SLCO1B3: variants seen among roughly 807,000 people sequenced by gnomAD.
SLCO1B3 encodes liver-specific organic anion transporter 2.
In SLCO1B3, 72 loss-of-function variants were observed where a neutral mutation model predicts 71.8. That is an observed-to-expected ratio of 1.00 (90% CI 0.83 to 1.22). SLCO1B3 has a LOEUF of 1.22. Among genes scored for constraint, SLCO1B3 ranks in the 50% most tolerant of loss-of-function variants. The pLI is 0.00. For synonymous variants in SLCO1B3, 298 were observed against 278.4 expected, an observed-to-expected ratio of 1.07 and a Z score of -0.70; for missense variants, 911 against 819.7, an observed-to-expected ratio of 1.11 and a Z score of -1.36.
intron 13 of SLCO1B3, among the ~76,000 whole-genome samples, chr12:20,897,408 C>T (rs374778652): frequency 6.6e-6 from 1 of 152,160 alleles, no homozygotes; most frequent in South Asian, 2.1e-4. Context: ...AGAGTGCTAG[C>T]TCATTGTGTT....
chr12:20,838,236 T>G (rs1217399824), intron 3 of SLCO1B3, among the ~76,000 whole-genome samples: 2 of 152,066 alleles, frequency 1.3e-5, no homozygotes, highest in East Asian at 3.8e-4. Context: ...TTCCTTGCTT[T>G]GAAGTTTGCT....
At chr12:20,848,612 G>C (rs10770751) in intron 3 of SLCO1B3, among the ~76,000 whole-genome samples, 110,099 of 152,036 alleles carry the variant, frequency 0.72, 42,450 homozygotes, top group South Asian at 0.9. Context: ...AATAGGTAAA[G>C]AAACTGTGAT....
At chr12:20,913,793 C>T (rs944603615) in intron 15 of SLCO1B3, among the ~76,000 whole-genome samples, 1 of 152,110 alleles carries the variant, frequency 6.6e-6, no homozygotes, top group African/African-American at 2.4e-5. Flanking sequence ...ACTCTGCTAC[C>T]CAGGCTGTAG....
At chr12:20,853,495 A>C (rs78800991) in intron 3 of SLCO1B3, among the ~76,000 whole-genome samples, 1 of 151,964 alleles carries the variant, frequency 6.6e-6, no homozygotes, top group Non-Finnish European at 1.5e-5. Context: ...CATTTATTCT[A>C]TGTTTTCCAG....
At chr12:20,812,958 A>T (rs1280118374) in intron 1 of SLCO1B3, among the ~76,000 whole-genome samples, 1 of 152,234 alleles carries the variant, frequency 6.6e-6, no homozygotes, top group East Asian at 1.9e-4. Flanking sequence ...ATTCGTGGAA[A>T]AAGTGGTGTA....
At chr12:20,843,894 T>TGTTTTA (rs57863606) in intron 3 of SLCO1B3, among the ~76,000 whole-genome samples, 109,487 of 151,402 alleles carry the variant, frequency 0.72, 42,154 homozygotes, top group South Asian at 0.9. Flanking sequence ...GATATTCTTA[T>TGTTTTA]CTAAACTTTC....
rs77334395 is a variant in SLCO1B3 at position 20,881,134 on chromosome 12, A to G, written c.1497+114A>G. ...AGGTCTCCAATAAAAAGATAAAACA[A>G]AAAGATTCCAGTATTATCTGTCCTC... is the stretch of plus-strand genomic sequence containing the variant. On this transcript the variant is annotated intron_variant, in intron 12 of 15. Coordinates refer to ENST00000381545, the MANE Select transcript of SLCO1B3 (RefSeq NM_019844.4). 92 of 741,380 alleles carry G rather than the reference A, an allele frequency of 1.2e-4. No individual in the cohort carries two copies. In the East Asian group the frequency reaches 1.8e-3, roughly 14 times the overall value. 45.9% of individuals were successfully genotyped at this position (741,380 alleles called of 1,614,324 possible).
chr12:20,845,302 T>A lies in SLCO1B3; in HGVS notation c.85-9726T>A. 2 of 230,358 alleles carry A rather than the reference T, an allele frequency of 8.7e-6. 1 individual carries two copies. Among genetic ancestry groups the A allele is most frequent in the Non-Finnish European group, 1.7e-5 (2 of 115,756 alleles). 14.3% of individuals were successfully genotyped at this position (230,358 alleles called of 1,614,324 possible). ...CCCAGTTAGTGAAAAGGTTTGACCC[T>A]GATCAACAATGAGTAGAAACATCAT... On this transcript the variant is annotated intron_variant, in intron 3 of 15. Transcript: ENST00000381545.
At chr12:20,872,196 G>T (rs1184499236) in intron 8 of SLCO1B3, among the ~76,000 whole-genome samples, 4 of 151,984 alleles carry the variant, frequency 2.6e-5, no homozygotes, top group Admixed American at 6.6e-5. Context: ...ATTCTGCCAG[G>T]CCACCACCCA....
intron 8 of SLCO1B3, among the ~76,000 whole-genome samples, chr12:20,865,642 C>T (rs975574637): frequency 2.6e-5 from 4 of 151,912 alleles, no homozygotes; most frequent in Admixed American, 6.6e-5. Flanking sequence ...TTTGTGACGA[C>T]ATGAAAAACC....
intron 13 of SLCO1B3, 32 bp downstream of exon 13, chr12:20,883,634 A>G (rs769862860): frequency 1.1e-5 from 15 of 1,416,918 alleles, no homozygotes; most frequent in Middle Eastern, 1.8e-4. Flanking sequence ...ATTGTCATGT[A>G]TATTAGACTA....
intron 1 of SLCO1B3, among the ~76,000 whole-genome samples, chr12:20,811,138 G>C (rs1488556891): frequency 1.3e-5 from 2 of 152,102 alleles, no homozygotes; most frequent in Non-Finnish European, 2.9e-5. Flanking sequence ...TACTATACCA[G>C]GCTCCCTATT....
chr12:20,879,205 CTTTTTTTTTT>C (rs4149166), intron 10 of SLCO1B3, among the ~76,000 whole-genome samples: 1 of 95,208 alleles, frequency 1.1e-5, no homozygotes, highest in Non-Finnish European at 2.0e-5. Context: ...ACCCTTCTCT[CTTTTTTTTTT>C]TTTTTTTTTT....
At chr12:20,888,353 T>G (rs1865831331) in intron 13 of SLCO1B3, among the ~76,000 whole-genome samples, 1 of 152,056 alleles carries the variant, frequency 6.6e-6, no homozygotes, top group South Asian at 2.1e-4. Context: ...TCTATTTTTT[T>G]TGTGACATAT....
At chr12:20,861,621 A>C (rs765635983) in intron 6 of SLCO1B3, among the ~76,000 whole-genome samples, 3 of 151,878 alleles carry the variant, frequency 2.0e-5, no homozygotes, top group Non-Finnish European at 4.4e-5. Context: ...ATATGTGAAT[A>C]ATATAACTTT....
Position 20,815,878 on chromosome 12 carries a change from A to G in SLCO1B3, c.84+56A>G, listed in dbSNP as rs897141126. The stretch of plus-strand genomic sequence containing the variant: ...ATAAGTTAATGGAAAATTTTTATGT[A>G]TAGAAAGGCCACTAACTGTCAAAAA... On this transcript the variant is annotated intron_variant, in intron 3 of 15. Coordinates refer to ENST00000381545, the MANE Select transcript of SLCO1B3 (RefSeq NM_019844.4). 4 of 1,105,962 alleles carry G rather than the reference A, an allele frequency of 3.6e-6. No individual in the cohort carries two copies. The African/African-American group carries it at 4.7e-5, about 13-fold the overall frequency. The allele number at this position is 1,105,962 out of a possible 1,614,324, so 68.5% of individuals were successfully genotyped here.
At chr12:20,896,407 G>C (rs1293142542) in intron 13 of SLCO1B3, among the ~76,000 whole-genome samples, 1 of 152,138 alleles carries the variant, frequency 6.6e-6, no homozygotes, top group Non-Finnish European at 1.5e-5. Context: ...TTTTCTGACA[G>C]ATACCCTAAA....
chr12:20,816,443 G>A (rs975725490), intron 3 of SLCO1B3, among the ~76,000 whole-genome samples: 2 of 152,032 alleles, frequency 1.3e-5, no homozygotes, highest in South Asian at 2.1e-4. Flanking sequence ...ACAAATAACT[G>A]AGAACATGCA....
At chr12:20,850,074 C>A (rs1591760284) in intron 3 of SLCO1B3, among the ~76,000 whole-genome samples, 1 of 140,740 alleles carries the variant, frequency 7.1e-6, no homozygotes, top group Admixed American at 7.3e-5. Context: ...AAAATCCATA[C>A]TGAAAGTCAT....
Sources: gnomAD v4.1 joint callset for allele counts (sites outside exome capture counted in the v4.1 genomes callset) on GRCh38, gnomAD v4.1.1 for gene constraint, MANE v1.5 for transcripts, NCBI Gene and HGNC (gene_info 2026-07-23, HGNC 2026-07-21) for gene names.